The following ATRNL1 variants were observed in gnomAD, a reference collection of about 807,000 sequenced individuals.
The protein encoded by ATRNL1 is attractin like 1, also known as attractin-like protein 1.
A neutral mutation model predicts 182.7 loss-of-function variants in ATRNL1; 95 were observed. The observed-to-expected ratio is 0.52, with a 90% CI of 0.44 to 0.62. The LOEUF (loss-of-function observed/expected upper bound fraction) is 0.62, where lower values mean the gene tolerates loss of function less well. Among genes scored for constraint, ATRNL1 ranks in the 20% least tolerant of loss-of-function variants. ATRNL1 has a pLI of 0.00. For synonymous variants in ATRNL1, 576 were observed against 568.3 expected (o/e 1.01, Z -0.19); for missense variants, 1,471 against 1,679.5 (o/e 0.88, Z 2.17).
At chr10:115,755,532 G>T (rs1948564521) in intron 27 of ATRNL1, among the ~76,000 whole-genome samples, 1 of 152,076 alleles carries the variant, frequency 6.6e-6, no homozygotes, top group Non-Finnish European at 1.5e-5. Context: ...CTTGATCATG[G>T]TGGATAAGCT....
At chr10:115,155,900 G>A (rs908631882) in intron 5 of ATRNL1, among the ~76,000 whole-genome samples, 3 of 152,202 alleles carry the variant, frequency 2.0e-5, no homozygotes, top group South Asian at 4.1e-4. Context: ...GACTGAAATG[G>A]TAGTTGTAGA....
rs1848511128 is a variant in ATRNL1, at chr10:115,200,228, T to A, written c.1349-15469T>A. On this transcript the variant is annotated intron_variant, in intron 8 of 28. Transcript: ENST00000355044. ...GGATTTTTTTTGTTACTTGTTTAGT[T>A]TTTTTTTTTTAATTATACTTTAAGT... is the stretch of plus-strand genomic sequence containing the variant. Among the ~76,000 whole-genome samples, 4 of 149,670 alleles carry A rather than the reference T, an allele frequency of 2.7e-5. No homozygotes were observed. In the South Asian group the frequency reaches 8.5e-4, roughly 32 times the overall value.
rs887102451 is a variant in ATRNL1, at chr10:115,186,801, G to A, written c.1348+15509G>A. On this transcript the variant is annotated intron_variant, in intron 8 of 28. Coordinates refer to ENST00000355044, the MANE Select transcript of ATRNL1 (RefSeq NM_207303.4). The stretch of plus-strand genomic sequence containing the variant: ...ACAACAGTGACTATAGTGAACAACA[G>A]TTTATTTTACATTTTAAAATAATAC... Among the ~76,000 whole-genome samples, 17 of 152,048 alleles carry A rather than the reference G, an allele frequency of 1.1e-4. No individual in the cohort carries two copies. The East Asian group carries it at 1.5e-3, about 14-fold the overall frequency.
chr10:115,623,180 A>G (rs1257411508), intron 26 of ATRNL1, among the ~76,000 whole-genome samples: 1 of 152,196 alleles, frequency 6.6e-6, no homozygotes. Context: ...ACCCTGATCA[A>G]AAAGGGAACA....
At chr10:115,492,644 A>ATTTTTTT (rs10677710) in intron 24 of ATRNL1, among the ~76,000 whole-genome samples, 3 of 121,860 alleles carry the variant, frequency 2.5e-5, no homozygotes, top group African/African-American at 6.4e-5. Flanking sequence ...TACTAAAGTG[A>ATTTTTTT]TTTTTTTTTT....
chr10:115,128,826 C>CA lies in ATRNL1; in HGVS notation c.621-483dup, dbSNP rs369416130. On this transcript the variant is annotated intron_variant, in intron 4 of 28. Coordinates refer to ENST00000355044, the MANE Select transcript of ATRNL1 (RefSeq NM_207303.4). The stretch of plus-strand genomic sequence containing the variant: ...TGGGCGACAGAGCGAGACTGTGTCT[C>CA]AAAAAAAAAAAAAAAAAAGAGTCTT... Among the ~76,000 whole-genome samples, 551 of 110,414 alleles carry CA rather than the reference C, an allele frequency of 5.0e-3. 4 individuals are homozygous for CA. The highest frequency in any genetic ancestry group is 0.015 in the African/African-American group (460 of 30,708). 72.4% of individuals were successfully genotyped at this position (110,414 alleles called of 152,430 possible).
chr10:115,412,077 C>T (rs781890490), intron 20 of ATRNL1, among the ~76,000 whole-genome samples: 2 of 152,116 alleles, frequency 1.3e-5, no homozygotes, highest in African/African-American at 4.8e-5. Context: ...TGTTACATTA[C>T]ATGGTAAAAG....
At chr10:115,669,478 CT>C (rs1171564137) in intron 26 of ATRNL1, among the ~76,000 whole-genome samples, 1 of 152,094 alleles carries the variant, frequency 6.6e-6, no homozygotes, top group Admixed American at 6.5e-5. Flanking sequence ...CAACATGTAT[CT>C]TTTTTTCTTT....
intron 28 of ATRNL1, among the ~76,000 whole-genome samples, chr10:115,896,488 A>G (rs941337703): frequency 2.6e-5 from 4 of 152,198 alleles, no homozygotes; most frequent in Non-Finnish European, 5.9e-5. Context: ...CTGATGATGT[A>G]ATTTATTCAA....
intron 19 of ATRNL1, among the ~76,000 whole-genome samples, chr10:115,378,213 G>A (rs596330): frequency 0.094 from 14,272 of 152,182 alleles, 2,244 homozygotes; most frequent in African/African-American, 0.32. Context: ...TAGTTGACAG[G>A]GGATACAACT....
chr10:115,153,272 G>A (rs538925622), intron 5 of ATRNL1, among the ~76,000 whole-genome samples: 2 of 152,102 alleles, frequency 1.3e-5, no homozygotes, highest in Non-Finnish European at 1.5e-5. Flanking sequence ...CTATTGGTTG[G>A]AATAGTTTCA....
rs879985260 is a variant in ATRNL1 at position 115,948,671 on chromosome 10, A to G, written c.*3892A>G. 1.4e-4 allele frequency: 22 copies of G among 152,206 alleles called. No homozygotes were observed. The highest frequency in any genetic ancestry group is 5.3e-4 in the African/African-American group (22 of 41,458). 9.4% of individuals were successfully genotyped at this position (152,206 alleles called of 1,614,324 possible). A position where few individuals can be genotyped will look rare whatever the true frequency, so the allele number is the denominator to read the frequency against. ...CTGCCTTTAATCGACCATTAGAGGG[A>G]GTTCTCTAAATAACAAAGTTATTAC... On this transcript the variant is annotated 3_prime_UTR_variant, in exon 29 of 29. Transcript: ENST00000355044.
At chr10:115,238,108 T>C (rs1554901916) in intron 9 of ATRNL1, among the ~76,000 whole-genome samples, 1 of 152,186 alleles carries the variant, frequency 6.6e-6, no homozygotes, top group Non-Finnish European at 1.5e-5. Context: ...GTCTATTCTT[T>C]TGCCAGTCCC....
chr10:115,361,852 T>G (rs189955673), intron 19 of ATRNL1, among the ~76,000 whole-genome samples: 4 of 152,216 alleles, frequency 2.6e-5, no homozygotes, highest in African/African-American at 9.6e-5. Flanking sequence ...TCCAGTTACT[T>G]AAGGTTTAAA....
intron 19 of ATRNL1, among the ~76,000 whole-genome samples, chr10:115,372,130 G>C (rs377630976): frequency 6.6e-6 from 1 of 152,110 alleles, no homozygotes; most frequent in African/African-American, 2.4e-5. Flanking sequence ...TTTGTAAATT[G>C]CTCCCAGTCT....
At chr10:115,526,231 A>C (rs1216523530) in intron 25 of ATRNL1, among the ~76,000 whole-genome samples, 1 of 152,132 alleles carries the variant, frequency 6.6e-6, no homozygotes, top group East Asian at 1.9e-4. Flanking sequence ...TCTTTGGCTT[A>C]GCATTCTGTC....
chr10:115,596,614 C>T (rs1555014054), intron 26 of ATRNL1, among the ~76,000 whole-genome samples: 2 of 152,084 alleles, frequency 1.3e-5, no homozygotes, highest in African/African-American at 4.8e-5. Flanking sequence ...GGGCAAATGT[C>T]AGTGAGCTGA....
intron 26 of ATRNL1, among the ~76,000 whole-genome samples, chr10:115,627,490 G>A (rs560492342): frequency 4.0e-5 from 6 of 151,812 alleles, no homozygotes; most frequent in African/African-American, 9.7e-5. Context: ...TCAGCCTCCC[G>A]AGTAACTGAG....
At chr10:115,777,648 A>G (rs1314869845) in intron 27 of ATRNL1, among the ~76,000 whole-genome samples, 2 of 152,152 alleles carry the variant, frequency 1.3e-5, no homozygotes, top group Non-Finnish European at 2.9e-5. Context: ...AACTGAATAT[A>G]CTGTTTTCAA....
Sources: allele counts gnomAD v4.1 joint callset (sites outside exome capture counted in the v4.1 genomes callset), GRCh38; gene constraint gnomAD v4.1.1; transcripts MANE v1.5; gene names NCBI Gene and HGNC (gene_info 2026-07-23, HGNC 2026-07-21).